ZNF131: variants seen among roughly 807,000 people sequenced by gnomAD.
ZNF131 encodes the protein zinc finger and BTB domain containing 35, also known as zinc finger protein 131.
Under a neutral mutation model 60.0 loss-of-function variants are expected in ZNF131, and 7 were observed. The observed-to-expected ratio is 0.12, with a 90% CI of 0.07 to 0.22. The LOEUF is 0.22. ZNF131 is among the 10% of genes least tolerant of loss of function. The pLI, the probability that ZNF131 is intolerant of heterozygous loss-of-function variation, is 1.00. For missense variants in ZNF131, 493 were observed against 740.9 expected, an observed-to-expected ratio of 0.67 and a Z score of 3.88; for synonymous variants, 257 against 253.2, an observed-to-expected ratio of 1.01 and a Z score of -0.14.
At chr5:43,138,896 A>C (rs186378101) in intron 3 of ZNF131, among the ~76,000 whole-genome samples, 2 of 152,210 alleles carry the variant, frequency 1.3e-5, no homozygotes, top group Non-Finnish European at 2.9e-5. Flanking sequence ...CATGTCTGAC[A>C]TGTAATAGCC....
chr5:43,162,670 G>A (rs775835542), intron 5 of ZNF131, among the ~76,000 whole-genome samples: 4 of 151,152 alleles, frequency 2.6e-5, no homozygotes, highest in Non-Finnish European at 4.4e-5. Context: ...TTGGGAGGCC[G>A]AGGCGGGTGG....
chr5:43,135,287 G>A (rs968384367), intron 3 of ZNF131, among the ~76,000 whole-genome samples: 4 of 151,842 alleles, frequency 2.6e-5, no homozygotes, highest in Admixed American at 6.6e-5. Context: ...GAGCCACTGC[G>A]CCCGGCCATC....
intron 4 of ZNF131, among the ~76,000 whole-genome samples, chr5:43,146,015 A>G (rs1266128425): frequency 9.2e-5 from 14 of 152,222 alleles, no homozygotes; most frequent in Admixed American, 9.2e-4. Context: ...AATATTTGTC[A>G]TCAAAGGAGT....
intron 3 of ZNF131, among the ~76,000 whole-genome samples, chr5:43,130,330 A>C (rs1022352206): frequency 1.3e-5 from 2 of 151,780 alleles, no homozygotes; most frequent in South Asian, 2.1e-4. Flanking sequence ...ACAGAATCAA[A>C]AAGTTCTGGC....
Position 43,175,551 on chromosome 5 carries a change from A to G in ZNF131, c.*418A>G, listed in dbSNP as rs1389895130. 3.0e-6 allele frequency: 2 copies of G among 672,240 alleles called. No individual in the cohort carries two copies. Among genetic ancestry groups the G allele is most frequent in the Non-Finnish European group, 5.3e-6 (2 of 374,958 alleles). The allele number at this position is 672,240 out of a possible 1,614,324, so 41.6% of individuals were successfully genotyped here. A position where few individuals can be genotyped will look rare whatever the true frequency, so the allele number is the denominator to read the frequency against. Reference sequence around the variant, plus strand: ...ATTCTAATGCATGTTAGAAAATTGAATAATATAGGAAACACAAGGCTGCAT... The same window carrying G: ...ATTCTAATGCATGTTAGAAAATTGAGTAATATAGGAAACACAAGGCTGCAT... On this transcript the variant is annotated 3_prime_UTR_variant, in exon 7 of 7. Transcript: ENST00000682664.
intron 5 of ZNF131, among the ~76,000 whole-genome samples, chr5:43,163,990 T>C (rs983021721): frequency 6.6e-6 from 1 of 152,224 alleles, no homozygotes; most frequent in Non-Finnish European, 1.5e-5. Flanking sequence ...AATACAGGAA[T>C]AGCAAAGGGA....
chr5:43,157,348 A>G (rs1279736402), intron 4 of ZNF131, among the ~76,000 whole-genome samples: 2 of 152,224 alleles, frequency 1.3e-5, no homozygotes, highest in African/African-American at 4.8e-5. Flanking sequence ...GCTTCTGCCT[A>G]TAGCAATCGC....
chr5:43,162,749 C>G (rs1331783129), intron 5 of ZNF131, among the ~76,000 whole-genome samples: 2 of 149,394 alleles, frequency 1.3e-5, no homozygotes, highest in African/African-American at 4.9e-5. Flanking sequence ...ACTAAAAATA[C>G]AAAAAATTAG....
At chr5:43,174,319 T>C (rs1408219068) in intron 6 of ZNF131, 128 bp from the exon 7 acceptor site, 5 of 851,950 alleles carry the variant, frequency 5.9e-6, no homozygotes, top group Admixed American at 3.6e-5. Context: ...GAGATTCTAT[T>C]GCAGGTACCA....
Position 43,175,719 on chromosome 5 carries a change from T to TTAAAA in ZNF131, c.*586_*587insTAAAA, listed in dbSNP as rs770240391. 0.017 allele frequency: 3,820 copies of TTAAAA among 225,950 alleles called. 38 individuals carry two copies. Among genetic ancestry groups the TTAAAA allele is most frequent in the Non-Finnish European group, 0.022 (2,669 of 120,334 alleles). 14.0% of individuals were successfully genotyped at this position (225,950 alleles called of 1,614,324 possible). ...GGTGGTGGCAAAATTTCTAGAATGT[T>TTAAAA]AAAAAAAAAAAAAAATCCACACCCA... On this transcript the variant is annotated 3_prime_UTR_variant, in exon 7 of 7. Transcript: ENST00000682664.
At chr5:43,134,693 C>CTTTTTTTTTTTTTT (rs149464238) in intron 3 of ZNF131, among the ~76,000 whole-genome samples, 63 of 88,332 alleles carry the variant, frequency 7.1e-4, no homozygotes, top group South Asian at 9.3e-4. Context: ...TTCTTTTTTT[C>CTTTTTTTTTTTTTT]TTTTTTTTTT....
intron 4 of ZNF131, among the ~76,000 whole-genome samples, chr5:43,146,876 A>G (rs1425542547): frequency 6.6e-6 from 1 of 152,154 alleles, no homozygotes; most frequent in Non-Finnish European, 1.5e-5. Flanking sequence ...ATTGCATTCC[A>G]ACATGGATGA....
chr5:43,172,615 C>T (rs1751134571), intron 5 of ZNF131, among the ~76,000 whole-genome samples: 1 of 126,644 alleles, frequency 7.9e-6, no homozygotes, highest in African/African-American at 3.0e-5. Flanking sequence ...GAGTAAGACT[C>T]TCAAAAAAAA....
At chr5:43,143,910 T>A in intron 4 of ZNF131, among the ~76,000 whole-genome samples, 1 of 89,236 alleles carries the variant, frequency 1.1e-5, no homozygotes, top group Non-Finnish European at 2.3e-5. Context: ...TTTTTTTTTT[T>A]TTTTTTTTTT....
intron 4 of ZNF131, chr5:43,143,419 C>G (rs1287526161): frequency 1.4e-6 from 2 of 1,421,660 alleles, no homozygotes; most frequent in African/African-American, 2.9e-5. Flanking sequence ...AAGCAGTGAT[C>G]TGCTTCTCCA....
intron 3 of ZNF131, among the ~76,000 whole-genome samples, chr5:43,129,396 C>G (rs751263334): frequency 6.6e-6 from 1 of 151,896 alleles, no homozygotes; most frequent in Non-Finnish European, 1.5e-5. Context: ...TTTATTTAGT[C>G]TATAGGTGAT....
At chr5:43,169,514 G>A (rs951668126) in intron 5 of ZNF131, among the ~76,000 whole-genome samples, 3 of 152,186 alleles carry the variant, frequency 2.0e-5, no homozygotes, top group African/African-American at 4.8e-5. Context: ...GAAAACAAGC[G>A]AGCATGCGGT....
intron 5 of ZNF131, among the ~76,000 whole-genome samples, chr5:43,169,940 G>A (rs1418327176): frequency 2.0e-5 from 3 of 152,068 alleles, no homozygotes; most frequent in East Asian, 1.9e-4. Context: ...ACAGGCACCC[G>A]CCGCCACGCC....
intron 3 of ZNF131, among the ~76,000 whole-genome samples, chr5:43,126,543 A>G (rs901457677): frequency 2.6e-5 from 4 of 152,198 alleles, no homozygotes; most frequent in Admixed American, 6.5e-5. Flanking sequence ...CTTGTACACA[A>G]GCTCCCAAGA....
Sources: allele counts gnomAD v4.1 joint callset (sites outside exome capture counted in the v4.1 genomes callset), GRCh38; gene constraint gnomAD v4.1.1; transcripts MANE v1.5; gene names NCBI Gene and HGNC (gene_info 2026-07-23, HGNC 2026-07-21).